Variants in FUT8 observed in about 807,000 individuals in gnomAD.
The protein encoded by FUT8 is alpha-(1,6)-fucosyltransferase.
A neutral mutation model predicts 71.3 loss-of-function variants in FUT8; 29 were observed. That is an observed-to-expected ratio of 0.41 (90% confidence interval 0.30 to 0.55). The LOEUF (loss-of-function observed/expected upper bound fraction) is 0.55. FUT8 is among the 20% of genes least tolerant of loss of function. FUT8 has a pLI of 0.34. For missense variants in FUT8, 544 were observed against 702.1 expected (o/e 0.77, Z 2.55); for synonymous variants, 254 against 239.3 (o/e 1.06, Z -0.57).
chr14:65,638,317 A>G lies in FUT8; in HGVS notation c.597+8711A>G, dbSNP rs1167437126. On this transcript the variant is annotated intron_variant, in intron 6 of 10. Coordinates refer to ENST00000673929, the MANE Select transcript of FUT8 (RefSeq NM_001371533.1). The surrounding 1 kb of genome is among the most constrained non-coding windows in gnomAD (Gnocchi z 4.5). ...TGCCTCAGCTTCCCAAAGTGTTGCA[A>G]TCACAGGCGTGAGCCACTGTGTCCG... is the stretch of plus-strand genomic sequence containing the variant. Among the ~76,000 whole-genome samples the G allele has an allele frequency of 6.6e-6, 1 of 152,158 alleles. No individual in the cohort carries two copies.
At chr14:65,700,452 T>A (rs1449021758) in intron 7 of FUT8, among the ~76,000 whole-genome samples, 5 of 129,660 alleles carry the variant, frequency 3.9e-5, no homozygotes, top group Admixed American at 1.9e-4. Context: ...GTGCAGTGGC[T>A]CAATCTTGGC....
chr14:65,686,543 A>T (rs997527595), intron 7 of FUT8, among the ~76,000 whole-genome samples: 1 of 152,222 alleles, frequency 6.6e-6, no homozygotes, highest in African/African-American at 2.4e-5. Context: ...TTCTCAATGA[A>T]GGATTAAAGT....
intron 10 of FUT8, among the ~76,000 whole-genome samples, chr14:65,741,358 T>TTTTA (rs1442917434): frequency 6.6e-6 from 1 of 151,942 alleles, no homozygotes; most frequent in Non-Finnish European, 1.5e-5. Flanking sequence ...TGCCGATGTG[T>TTTTA]TTTAGCTCAC....
chr14:65,735,745 AT>A (rs1203330023), intron 10 of FUT8, among the ~76,000 whole-genome samples: 1 of 152,150 alleles, frequency 6.6e-6, no homozygotes, highest in African/African-American at 2.4e-5. Flanking sequence ...AGCATTTGAA[AT>A]TGTAGAGTAA....
chr14:65,571,005 T>C (rs1430156043), intron 3 of FUT8, among the ~76,000 whole-genome samples: 1 of 152,124 alleles, frequency 6.6e-6, no homozygotes, highest in Non-Finnish European at 1.5e-5. Flanking sequence ...TCACTTCTGA[T>C]TTCTGTATAT....
chr14:65,372,073 G>A, the FUT8 span, among the ~76,000 whole-genome samples: 2 of 152,108 alleles, frequency 1.3e-5, no homozygotes, highest in East Asian at 3.8e-4. Context: ...TTCTCTGGCA[G>A]TAGAAAACTG....
intron 2 of FUT8, among the ~76,000 whole-genome samples, chr14:65,555,431 G>C (rs1310497747): frequency 6.6e-6 from 1 of 152,100 alleles, no homozygotes; most frequent in Non-Finnish European, 1.5e-5. Context: ...AGCCTCATGA[G>C]TTCTTACTAT....
chr14:65,517,446 T>C (rs567773582), intron 2 of FUT8, among the ~76,000 whole-genome samples: 32 of 152,304 alleles, frequency 2.1e-4, no homozygotes, highest in African/African-American at 7.5e-4. Context: ...CATATGCTTT[T>C]TGAAGCTGAA....
intron 7 of FUT8, among the ~76,000 whole-genome samples, chr14:65,685,490 C>G (rs1044359079): frequency 6.6e-5 from 10 of 152,150 alleles, no homozygotes; most frequent in African/African-American, 2.4e-4. Context: ...AATCCAGACC[C>G]CAAGAGAGGG....
chr14:65,455,860 G>C, intron 2 of FUT8, 142 bp downstream of exon 2: 1 of 390,528 alleles, frequency 2.6e-6, no homozygotes, highest in Non-Finnish European at 4.5e-6. Flanking sequence ...GTTGAATTGT[G>C]TATTAGTTAA....
chr14:65,539,452 A>G (rs970302468), intron 2 of FUT8, among the ~76,000 whole-genome samples: 2 of 152,186 alleles, frequency 1.3e-5, no homozygotes, highest in Non-Finnish European at 2.9e-5. Flanking sequence ...TTTACCTGAT[A>G]TTAGCATAGT....
the FUT8 span, among the ~76,000 whole-genome samples, chr14:65,372,784 T>C: frequency 6.6e-6 from 1 of 152,312 alleles, no homozygotes; most frequent in South Asian, 2.1e-4. Context: ...TCTCTGATAA[T>C]ACTTTCAGTT....
chr14:65,380,090 T>A, the FUT8 span, among the ~76,000 whole-genome samples: 138,811 of 152,262 alleles, frequency 0.91, 63,701 homozygotes, highest in East Asian at 1. Flanking sequence ...TTTGCGCTGC[T>A]GATAAAGACA....
chr14:65,624,936 C>T (rs1255311878), intron 5 of FUT8, among the ~76,000 whole-genome samples: 6 of 152,114 alleles, frequency 3.9e-5, no homozygotes, highest in Non-Finnish European at 7.4e-5. Flanking sequence ...TGTGGTGGTG[C>T]ATGCCTGTAA....
In FUT8 at chr14:65,722,022, G is replaced by A. The variant is rs1346391742; in HGVS notation, c.1082+1G>A. On this transcript the variant is annotated splice_donor_variant, in intron 8 of 10. Transcript: ENST00000673929. LOFTEE classifies it high-confidence loss of function. ...TTGGCTTCAAACATCCAGTTATTGGGTAAGAATCTGATTTTTTCCCTCAAA... is the reference window on the plus strand; with the variant it reads ...TTGGCTTCAAACATCCAGTTATTGGATAAGAATCTGATTTTTTCCCTCAAA... 5.0e-6 allele frequency: 8 copies of A among 1,613,430 alleles called. No homozygotes were observed. Among genetic ancestry groups the A allele is most frequent in the Non-Finnish European group, 5.9e-6 (7 of 1,179,908 alleles).
Position 65,523,025 on chromosome 14 carries a change from A to G in FUT8, c.-227-38312A>G, listed in dbSNP as rs79807339. On this transcript the variant is annotated intron_variant, in intron 2 of 10. Transcript: ENST00000673929. ...CTTTGCTATTGTTAATAGTGTCGCAATAAACGTAACGTGTGCATGTGTCTT... is the reference window on the plus strand; with the variant it reads ...CTTTGCTATTGTTAATAGTGTCGCAGTAAACGTAACGTGTGCATGTGTCTT... 9.9e-3 allele frequency among the ~76,000 whole-genome samples: 1,505 copies of G among 152,280 alleles called. 19 individuals carry two copies. Among genetic ancestry groups the G allele is most frequent in the African/African-American group, 0.031 (1,278 of 41,550 alleles).
At chr14:65,480,811 C>T (rs1266714087) in intron 2 of FUT8, among the ~76,000 whole-genome samples, 1 of 151,976 alleles carries the variant, frequency 6.6e-6, no homozygotes, top group Non-Finnish European at 1.5e-5. Flanking sequence ...CTCAGCCTTC[C>T]AAGTAGCTGG....
chr14:65,606,845 T>C (rs1888615010), intron 3 of FUT8, among the ~76,000 whole-genome samples: 1 of 151,926 alleles, frequency 6.6e-6, no homozygotes, highest in African/African-American at 2.4e-5. Flanking sequence ...TTGGAATTTT[T>C]ATTAGAATTG....
chr14:65,712,419 A>G (rs1200500704), intron 7 of FUT8, among the ~76,000 whole-genome samples: 1 of 152,200 alleles, frequency 6.6e-6, no homozygotes, highest in African/African-American at 2.4e-5. Flanking sequence ...ATTTGAAAAT[A>G]CAGTTTTTTT....
Sources: allele counts gnomAD v4.1 joint callset (sites outside exome capture counted in the v4.1 genomes callset), GRCh38; gene constraint gnomAD v4.1.1; non-coding constraint Gnocchi (gnomAD v3.1); transcripts MANE v1.5; gene names NCBI Gene and HGNC (gene_info 2026-07-23, HGNC 2026-07-21).